Variants in PLEKHG3 observed in about 807,000 individuals in gnomAD.
PLEKHG3 encodes the protein pleckstrin homology and RhoGEF domain containing G3.
In PLEKHG3, 62 loss-of-function variants were observed where a neutral mutation model predicts 94.9. That is an observed-to-expected ratio of 0.65 (90% CI 0.53 to 0.81). The LOEUF is 0.81. PLEKHG3 is among the 30% of genes least tolerant of loss of function. The pLI is 0.00. For missense variants in PLEKHG3, 1,461 were observed against 1,619.3 expected, an observed-to-expected ratio of 0.90 and a Z score of 1.68; for synonymous variants, 614 against 654.0, an observed-to-expected ratio of 0.94 and a Z score of 0.93.
chr14:64,709,235 A>G (rs1354855697), intron 1 of PLEKHG3, among the ~76,000 whole-genome samples: 4 of 152,180 alleles, frequency 2.6e-5, no homozygotes, highest in Non-Finnish European at 1.5e-5. Flanking sequence ...TCCCACCCTT[A>G]GAGTAATCTG....
chr14:64,743,094 C>T lies in PLEKHG3; in HGVS notation c.3051C>T (p.Phe1017=), dbSNP rs765839088. The T allele has an allele frequency of 2.5e-6, 4 of 1,612,978 alleles. No individual in the cohort carries two copies. The highest frequency in any genetic ancestry group is 1.1e-5 in the South Asian group (1 of 91,084). Residue 1017 remains phenylalanine, a synonymous_variant, in exon 17 of 17, where the codon TTC becomes TTT. Transcript: ENST00000247226. The surrounding 1 kb of genome is among the most constrained non-coding windows in gnomAD (Gnocchi z 7.2). Reference sequence around the variant, plus strand: ...AGATGTCACCACAGCGTTTCTTCTTCAACCCGTCTGCTGTCAGCCAGAGGA... The same window carrying T: ...AGATGTCACCACAGCGTTTCTTCTTTAACCCGTCTGCTGTCAGCCAGAGGA... The part of the protein sequence containing the change: ...AGEMSPQRFF[F]NPSAVSQRTT...
rs2081696499 is a variant in PLEKHG3, at chr14:64,741,641, A to C, written c.2124A>C (p.Ala708=). The C allele has an allele frequency of 6.2e-7, 1 of 1,612,230 alleles. No individual in the cohort carries two copies. The highest frequency in any genetic ancestry group is 1.3e-5 in the African/African-American group (1 of 74,726). ...CTTCCTGCAAGAAGAAGGAATCAGC[A>C]CTCTCCACCCGAGACCGGCTGTTGC... ...DRSSCKKKES[A]LSTRDRLLLD... is the part of the protein sequence containing the mutation. Residue 708 remains alanine (A), a synonymous_variant, in exon 16 of 17, where the codon GCA becomes GCC. Coordinates refer to ENST00000247226, the MANE Select transcript of PLEKHG3 (RefSeq NM_001308147.2).
At chr14:64,742,506 G>A in intron 16 of PLEKHG3, 51 bp downstream of exon 16, 8 of 1,377,320 alleles carry the variant, frequency 5.8e-6, no homozygotes, top group Non-Finnish European at 7.8e-6. Flanking sequence ...GGACTGAAGA[G>A]TCAATAAGGA....
rs2081481939 is a variant in PLEKHG3, at chr14:64,732,228, C to T, written c.1212+47C>T. On this transcript the variant is annotated intron_variant, in intron 10 of 16. Coordinates refer to ENST00000247226, the MANE Select transcript of PLEKHG3 (RefSeq NM_001308147.2). The surrounding 1 kb of genome is among the most constrained non-coding windows in gnomAD (Gnocchi z 4.9). ...CTGTGTGCAAGGAGAATGTGCTCCT[C>T]TGAGCCAGCTCTGCAAGGTCCATTG... 1.3e-6 allele frequency: 2 copies of T among 1,527,942 alleles called. No individual in the cohort carries two copies. Among genetic ancestry groups the T allele is most frequent in the South Asian group, 2.2e-5 (2 of 89,252 alleles). 94.6% of individuals were successfully genotyped at this position (1,527,942 alleles called of 1,614,324 possible).
At position 64,717,756 on chromosome 14, in the gene PLEKHG3, A is replaced by ATT. The variant is rs2081194277; in HGVS notation, c.-39-9837_-39-9836insTT. Reference sequence around the variant, plus strand: ...TCGAAGCTGTCTCTGAATAGCCAGCACCTTCCTGGGCTTCTGCATTCTTCT... The same window carrying ATT: ...TCGAAGCTGTCTCTGAATAGCCAGCATTCCTTCCTGGGCTTCTGCATTCTTCT... On this transcript the variant is annotated intron_variant, in intron 1 of 16. Transcript: ENST00000247226. This position sits in a 1 kb window ranked among gnomAD's most constrained non-coding sequence, Gnocchi z 4.7. Among the ~76,000 whole-genome samples the ATT allele has an allele frequency of 6.6e-6, 1 of 152,196 alleles. No homozygotes were observed. Among genetic ancestry groups the ATT allele is most frequent in the Non-Finnish European group, 1.5e-5 (1 of 68,040 alleles).
rs12883289 is a variant in PLEKHG3, at chr14:64,722,333, C to T, written c.-39-5260C>T. 2.1e-3 allele frequency among the ~76,000 whole-genome samples: 320 copies of T among 152,138 alleles called. 1 individual carries two copies. The highest frequency in any genetic ancestry group is 7.2e-3 in the African/African-American group (300 of 41,482). On this transcript the variant is annotated intron_variant, in intron 1 of 16. Coordinates refer to ENST00000247226, the MANE Select transcript of PLEKHG3 (RefSeq NM_001308147.2). The surrounding 1 kb of genome is among the most constrained non-coding windows in gnomAD (Gnocchi z 4.3). ...AAGCAATTCTCCTGCCTCAGCCTCG[C>T]GAGTAGCTGGGATTACAGGTGCATG...
Position 64,749,579 on chromosome 14 carries a change from C to G in PLEKHG3, c.*5876C>G. ...TTGGGACTGCCCCTTCTGAGGGGGCCTCCAGGGCAAGCGGCCTGGGGTCCT... is the reference window on the plus strand; with the variant it reads ...TTGGGACTGCCCCTTCTGAGGGGGCGTCCAGGGCAAGCGGCCTGGGGTCCT... On this transcript the variant is annotated 3_prime_UTR_variant, in exon 17 of 17. Transcript: ENST00000247226. The surrounding 1 kb of genome is among the most constrained non-coding windows in gnomAD (Gnocchi z 4.7). The G allele has an allele frequency of 6.2e-7, 1 of 1,607,922 alleles. No individual in the cohort carries two copies. The highest frequency in any genetic ancestry group is 8.5e-7 in the Non-Finnish European group (1 of 1,179,186).
rs2081696102 is a variant in PLEKHG3 at position 64,741,623 on chromosome 14, C to T, written c.2106C>T (p.Cys702=). The part of the protein sequence containing the change: ...GCPVEPDRSS[C]KKKESALSTR... Reference sequence around the variant, plus strand: ...CAGTGGAGCCTGACCGGTCTTCCTGCAAGAAGAAGGAATCAGCACTCTCCA... The same window carrying T: ...CAGTGGAGCCTGACCGGTCTTCCTGTAAGAAGAAGGAATCAGCACTCTCCA... The change falls in exon 16 of 17, where the codon TGC becomes TGT. Residue 702 remains cysteine (C), a synonymous_variant. Coordinates refer to ENST00000247226, the MANE Select transcript of PLEKHG3 (RefSeq NM_001308147.2). The T allele has an allele frequency of 6.2e-7, 1 of 1,612,962 alleles. No individual in the cohort carries two copies.
Position 64,730,526 on chromosome 14 carries a change from G to C in PLEKHG3, c.520-116G>C. The C allele has an allele frequency of 1.2e-6, 1 of 865,446 alleles. No individual in the cohort carries two copies. 53.6% of individuals were successfully genotyped at this position (865,446 alleles called of 1,614,324 possible). The stretch of plus-strand genomic sequence containing the variant: ...AAATAGGTATAAAGATGGCTCTGTA[G>C]GCATTTGGGAACAGGGGACAGAGGG... On this transcript the variant is annotated intron_variant, in intron 4 of 16. Coordinates refer to ENST00000247226, the MANE Select transcript of PLEKHG3 (RefSeq NM_001308147.2). This position sits in a 1 kb window ranked among gnomAD's most constrained non-coding sequence, Gnocchi z 5.4.
At position 64,741,658 on chromosome 14, in the gene PLEKHG3, G is replaced by A. The variant is rs763996763; in HGVS notation, c.2141G>A (p.Arg714Gln). 17 of 1,612,870 alleles carry A rather than the reference G, an allele frequency of 1.1e-5. No homozygotes were observed. The African/African-American group carries it at 1.3e-4, about 13-fold the overall frequency. The change falls in exon 16 of 17, where the codon CGG becomes CAG. Residue 714 changes from arginine (R) to glutamine (Q), a missense_variant. By Grantham distance (43) the Arg-to-Gln change is conservative (BLOSUM62 1). Coordinates refer to ENST00000247226, the MANE Select transcript of PLEKHG3 (RefSeq NM_001308147.2). ...GAATCAGCACTCTCCACCCGAGACC[G>A]GCTGTTGCTAGACAAGATTAAGAGC... The part of the protein sequence containing the change: ...KKESALSTRD[R>Q]LLLDKIKSYY...
Position 64,715,958 on chromosome 14 carries a change from C to A in PLEKHG3, c.-40+11254C>A. ...CAGGAGGCGGCGGGCGCTTTAATTC[C>A]CGAGGCTGTTGGTGGCAGCTCGCTG... On this transcript the variant is annotated intron_variant, in intron 1 of 16. Transcript: ENST00000247226. The surrounding 1 kb of genome is among the most constrained non-coding windows in gnomAD (Gnocchi z 4.4). The A allele has an allele frequency of 2.2e-6, 1 of 445,440 alleles. No individual in the cohort carries two copies. 27.6% of individuals were successfully genotyped at this position (445,440 alleles called of 1,614,324 possible).
intron 12 of PLEKHG3, 127 bp downstream of exon 12, chr14:64,733,028 G>C: frequency 1.6e-6 from 1 of 634,708 alleles, no homozygotes; most frequent in Middle Eastern, 4.1e-4. Context: ...GGCTAGAGCG[G>C]GGCTGGACAC....
intron 1 of PLEKHG3, among the ~76,000 whole-genome samples, chr14:64,724,486 A>T (rs556318329): frequency 1.3e-5 from 2 of 151,996 alleles, no homozygotes; most frequent in East Asian, 1.9e-4. Context: ...AATCCTGGTG[A>T]CCTCATACTT....
Position 64,716,499 on chromosome 14 carries a change from ACACACACACAC to A in PLEKHG3, c.-39-11093_-39-11083del. Reference sequence around the variant, plus strand: ...CACACACAACACACACACACACAACACACACACACACACACACACACACACACACACACACA... The same window carrying A: ...CACACACAACACACACACACACAACAACACACACACACACACACACACACA... On this transcript the variant is annotated intron_variant, in intron 1 of 16. Transcript: ENST00000247226. This position sits in a 1 kb window ranked among gnomAD's most constrained non-coding sequence, Gnocchi z 5.0. 2.5e-5 allele frequency among the ~76,000 whole-genome samples: 2 copies of A among 80,622 alleles called. No homozygotes were observed. The highest frequency in any genetic ancestry group is 5.1e-5 in the Non-Finnish European group (2 of 38,870). The allele number at this position is 80,622 out of a possible 152,430, so 52.9% of individuals were successfully genotyped here.
In PLEKHG3 at chr14:64,742,112, C is replaced by A. The variant is rs1311222160; in HGVS notation, c.2595C>A (p.Ser865=). 41 of 1,610,556 alleles carry A rather than the reference C, an allele frequency of 2.5e-5. No individual in the cohort carries two copies. Among genetic ancestry groups the A allele is most frequent in the Non-Finnish European group, 3.4e-5 (40 of 1,179,826 alleles). ...GAITEESATA[S]PESSSPTEGR... ...TCACAGAGGAGTCGGCCACTGCCTC[C>A]CCGGAAAGCTCCTCTCCCACTGAGG... The change falls in exon 16 of 17, where the codon TCC becomes TCA. Residue 865 remains serine, a synonymous_variant. Coordinates refer to ENST00000247226, the MANE Select transcript of PLEKHG3 (RefSeq NM_001308147.2).
In PLEKHG3 at chr14:64,743,256, C is replaced by T; in HGVS notation, c.3213C>T (p.Pro1071=). 6.2e-7 allele frequency: 1 copy of T among 1,606,236 alleles called. No homozygotes were observed. Among genetic ancestry groups the T allele is most frequent in the South Asian group, 1.1e-5 (1 of 90,800 alleles). The change falls in exon 17 of 17, where the codon CCC becomes CCT. Residue 1071 remains proline, a synonymous_variant. Transcript: ENST00000247226. The surrounding 1 kb of genome is among the most constrained non-coding windows in gnomAD (Gnocchi z 7.2). ...DEARRAGGGR[P]RGPPVNRSHS... ...CACGCCGAGCAGGGGGCGGCCGGCC[C>T]CGCGGCCCACCCGTCAACAGGAGCC...
At position 64,717,514 on chromosome 14, in the gene PLEKHG3, C is replaced by T. The variant is rs993859832; in HGVS notation, c.-39-10079C>T. ...ACTCCTCCCCCAGCCCAGTTGAGAGCTGCTGGCCTGAAATTCCTCTGAGAG... is the reference window on the plus strand; with the variant it reads ...ACTCCTCCCCCAGCCCAGTTGAGAGTTGCTGGCCTGAAATTCCTCTGAGAG... On this transcript the variant is annotated intron_variant, in intron 1 of 16. Coordinates refer to ENST00000247226, the MANE Select transcript of PLEKHG3 (RefSeq NM_001308147.2). The surrounding 1 kb of genome is among the most constrained non-coding windows in gnomAD (Gnocchi z 4.7). Among the ~76,000 whole-genome samples the T allele has an allele frequency of 6.6e-6, 1 of 152,184 alleles. No individual in the cohort carries two copies. The highest frequency in any genetic ancestry group is 2.4e-5 in the African/African-American group (1 of 41,446).
intron 1 of PLEKHG3, among the ~76,000 whole-genome samples, chr14:64,713,605 C>T (rs1035053633): frequency 6.6e-6 from 1 of 152,000 alleles, no homozygotes; most frequent in Non-Finnish European, 1.5e-5. Flanking sequence ...TATTTTTTGT[C>T]TTTGGTGTTC....
At chr14:64,713,719 A>G (rs935108150) in intron 1 of PLEKHG3, among the ~76,000 whole-genome samples, 3 of 151,992 alleles carry the variant, frequency 2.0e-5, no homozygotes, top group Admixed American at 6.5e-5. Flanking sequence ...AGTTCTAGAA[A>G]GTTCATATAC....
Sources: allele counts gnomAD v4.1 joint callset (sites outside exome capture counted in the v4.1 genomes callset), GRCh38; gene constraint gnomAD v4.1.1; non-coding constraint Gnocchi (gnomAD v3.1); transcripts MANE v1.5; gene names NCBI Gene and HGNC (gene_info 2026-07-23, HGNC 2026-07-21).